AEBP2: variants seen among roughly 807,000 people sequenced by gnomAD.
The protein encoded by AEBP2 is AE binding protein 2.
In AEBP2, 10 loss-of-function variants were observed where a neutral mutation model predicts 50.8. The ratio of observed to expected loss-of-function variants is 0.20; its 90% CI spans 0.12 to 0.33. The LOEUF (loss-of-function observed/expected upper bound fraction) is 0.33, where lower values mean the gene tolerates loss of function less well. Among genes scored for constraint, AEBP2 ranks in the 10% least tolerant of loss-of-function variants. The pLI is 1.00. For missense variants in AEBP2, 570 were observed against 688.0 expected (o/e 0.83, Z 1.92); for synonymous variants, 296 against 261.3 (o/e 1.13, Z -1.28).
intron 2 of AEBP2, among the ~76,000 whole-genome samples, chr12:19,465,009 T>C (rs2153370736): frequency 6.6e-6 from 1 of 152,270 alleles, no homozygotes; most frequent in East Asian, 1.9e-4. Context: ...AGTGTAATAT[T>C]GAAATGAAAA....
At chr12:19,416,042 C>T (rs1486396439) in intron 1 of AEBP2, among the ~76,000 whole-genome samples, 1 of 152,074 alleles carries the variant, frequency 6.6e-6, no homozygotes, top group Non-Finnish European at 1.5e-5. Context: ...GTTAGCTGGG[C>T]ATGGTGGTGC....
chr12:19,496,664 C>CTTTTT (rs771598222), intron 4 of AEBP2, among the ~76,000 whole-genome samples: 1 of 142,926 alleles, frequency 7.0e-6, no homozygotes, highest in Non-Finnish European at 1.5e-5. Flanking sequence ...TTTTTTTAAC[C>CTTTTT]TTTTTTTTTT....
chr12:19,423,153 C>CA (rs1393404071), intron 1 of AEBP2, among the ~76,000 whole-genome samples: 3 of 145,672 alleles, frequency 2.1e-5, no homozygotes, highest in African/African-American at 7.6e-5. Flanking sequence ...ACTTTATTCA[C>CA]AGCTATATGC....
At chr12:19,467,195 C>T (rs1948491927) in intron 2 of AEBP2, among the ~76,000 whole-genome samples, 1 of 149,832 alleles carries the variant, frequency 6.7e-6, no homozygotes, top group African/African-American at 2.4e-5. Flanking sequence ...TGTGAGCCAC[C>T]ATGCCCAGAC....
chr12:19,512,024 GGGTGAA>G, intron 5 of AEBP2, among the ~76,000 whole-genome samples: 1 of 151,924 alleles, frequency 6.6e-6, no homozygotes, highest in Non-Finnish European at 1.5e-5. Flanking sequence ...TCTTGATTAG[GGGTGAA>G]AGTTTTTTTT....
chr12:19,473,179 A>G (rs1730537715), intron 2 of AEBP2, 69 bp from the exon 3 acceptor site: 1 of 616,610 alleles, frequency 1.6e-6, no homozygotes, highest in South Asian at 4.6e-5. Flanking sequence ...GTTAATTTGA[A>G]TGTATGAGGA....
rs74501332 is a variant in AEBP2 at position 19,447,231 on chromosome 12, A to G, written c.671+6861A>G. Among the ~76,000 whole-genome samples, 740 of 152,290 alleles carry G rather than the reference A, an allele frequency of 4.9e-3. 5 individuals are homozygous for G. The highest frequency in any genetic ancestry group is 7.6e-3 in the Non-Finnish European group (517 of 68,024). On this transcript the variant is annotated intron_variant, in intron 1 of 7. Transcript: ENST00000266508. ...TAGGTTTGTGAATCAAATTCTTTTT[A>G]TTCTCTTCACTTTCTTTCTGTGTAA...
intron 7 of AEBP2, 128 bp downstream of exon 7, chr12:19,514,912 C>CT (rs34967305): frequency 0.024 from 12,696 of 534,922 alleles, 11 homozygotes; most frequent in South Asian, 0.033. Context: ...TACTTCCTGG[C>CT]TTTTTTTTTT....
At chr12:19,495,243 C>T (rs907426293) in intron 4 of AEBP2, among the ~76,000 whole-genome samples, 2 of 152,068 alleles carry the variant, frequency 1.3e-5, no homozygotes, top group African/African-American at 2.4e-5. Context: ...TGAAGAAATA[C>T]CAATGGGTGA....
intron 3 of AEBP2, among the ~76,000 whole-genome samples, chr12:19,488,335 C>T (rs1948844973): frequency 7.0e-6 from 1 of 142,034 alleles, no homozygotes; most frequent in African/African-American, 2.6e-5. Flanking sequence ...GCCATGTTGG[C>T]TAGGCTGGTC....
At chr12:19,456,879 A>C in intron 1 of AEBP2, 3 of 1,488,298 alleles carry the variant, frequency 2.0e-6, no homozygotes, top group Non-Finnish European at 2.8e-6. Context: ...TTTTGTAGAC[A>C]TCCTGGAGAG....
intron 2 of AEBP2, 139 bp downstream of exon 2, chr12:19,462,856 A>G (rs1948402844): frequency 5.1e-6 from 4 of 780,662 alleles, no homozygotes; most frequent in Non-Finnish European, 7.9e-6. Flanking sequence ...AATTTTTAAT[A>G]ATTATTTCCC....
intron 1 of AEBP2, among the ~76,000 whole-genome samples, chr12:19,441,381 ACATG>A (rs1326526226): frequency 1.3e-5 from 2 of 152,228 alleles, no homozygotes; most frequent in Non-Finnish European, 2.9e-5. Flanking sequence ...AACGAGAATC[ACATG>A]CATATTATGC....
At chr12:19,498,356 A>G (rs1949018103) in intron 4 of AEBP2, among the ~76,000 whole-genome samples, 3 of 152,080 alleles carry the variant, frequency 2.0e-5, no homozygotes, top group Admixed American at 2.0e-4. Flanking sequence ...CTGCCTTCTT[A>G]GTCTTTTGGC....
intron 3 of AEBP2, among the ~76,000 whole-genome samples, chr12:19,486,317 G>C (rs1376229558): frequency 1.3e-5 from 2 of 152,130 alleles, no homozygotes; most frequent in African/African-American, 4.8e-5. Flanking sequence ...TTGCTCTGTA[G>C]TATTCCACTG....
At chr12:19,446,850 C>G (rs1424402182) in intron 1 of AEBP2, among the ~76,000 whole-genome samples, 1 of 151,884 alleles carries the variant, frequency 6.6e-6, no homozygotes, top group Non-Finnish European at 1.5e-5. Flanking sequence ...TCACTTGGAT[C>G]CAGGAGTCTG....
At chr12:19,436,427 T>A (rs1947861670), upstream of AEBP2, among the ~76,000 whole-genome samples, 2 of 152,150 alleles carry the variant, frequency 1.3e-5, no homozygotes, top group Non-Finnish European at 2.9e-5. Context: ...GTAGCCATTC[T>A]TTTATTCCTT....
chr12:19,456,511 G>A, intron 1 of AEBP2: 1 of 1,516,202 alleles, frequency 6.6e-7, no homozygotes, highest in East Asian at 2.3e-5. Context: ...TTTTCCTTCA[G>A]CTCAGCAAAC....
At chr12:19,405,272 G>A (rs1400767802) in intron 1 of AEBP2, among the ~76,000 whole-genome samples, 1 of 151,674 alleles carries the variant, frequency 6.6e-6, no homozygotes, top group Non-Finnish European at 1.5e-5. Flanking sequence ...TTATCAAATT[G>A]CTTATTTACT....
Sources: allele counts gnomAD v4.1 joint callset (sites outside exome capture counted in the v4.1 genomes callset), GRCh38; gene constraint gnomAD v4.1.1; transcripts MANE v1.5; gene names NCBI Gene and HGNC (gene_info 2026-07-23, HGNC 2026-07-21).